The following EPS8 variants were observed in gnomAD, a reference collection of about 807,000 sequenced individuals.
EPS8 encodes epidermal growth factor receptor kinase substrate 8.
EPS8 carries 42 observed loss-of-function variants against 103.8 expected under a neutral mutation model. The ratio of observed to expected loss-of-function variants is 0.40; its 90% CI spans 0.32 to 0.52. The LOEUF is 0.52. Among genes scored for constraint, EPS8 ranks in the 20% least tolerant of loss-of-function variants. EPS8 has a pLI of 0.40. For synonymous variants in EPS8, 344 were observed against 344.6 expected, an observed-to-expected ratio of 1.00 and a Z score of 0.02; for missense variants, 969 against 1,005.1, an observed-to-expected ratio of 0.96 and a Z score of 0.49.
chr12:15,789,191 C>T lies in EPS8; in HGVS notation c.-52G>A, dbSNP rs568413253. 83 of 152,316 alleles carry T rather than the reference C, an allele frequency of 5.4e-4. 1 individual carries two copies. The highest frequency in any genetic ancestry group is 1.9e-3 in the African/African-American group (81 of 41,582). 9.4% of individuals were successfully genotyped at this position (152,316 alleles called of 1,614,324 possible). A position where few individuals can be genotyped will look rare whatever the true frequency, so the allele number is the denominator to read the frequency against. ...ATCCGCCCTCGGGGCCACGGCTTTC[C>T]CCGGAGACGCCGCGAGCCCAGACGA... On this transcript the variant is annotated 5_prime_UTR_variant, in exon 1 of 21. Coordinates refer to ENST00000281172, the MANE Select transcript of EPS8 (RefSeq NM_004447.6). This position sits in a 1 kb window ranked among gnomAD's most constrained non-coding sequence, Gnocchi z 6.1.
Position 15,711,263 on chromosome 12 carries a change from T to C in EPS8, c.-21-28291A>G, listed in dbSNP as rs192061929. ...ACCTTAAAACTCCAAGGTTCATACC[T>C]ACCTTGACGATTTAATGACAAATGA... On this transcript the variant is annotated intron_variant, in intron 1 of 20. Coordinates refer to ENST00000281172, the MANE Select transcript of EPS8 (RefSeq NM_004447.6). Among the ~76,000 whole-genome samples the C allele has an allele frequency of 8.5e-4, 129 of 152,152 alleles. 1 individual carries two copies. The highest frequency in any genetic ancestry group is 3.0e-3 in the African/African-American group (126 of 41,512).
intron 18 of EPS8, among the ~76,000 whole-genome samples, chr12:15,630,639 G>A (rs55878430): frequency 0.063 from 9,612 of 152,172 alleles, 611 homozygotes; most frequent in African/African-American, 0.17. Flanking sequence ...ACTATTGGCA[G>A]GTGATTATAT....
chr12:15,763,716 C>T (rs1947064920), intron 1 of EPS8, among the ~76,000 whole-genome samples: 3 of 152,176 alleles, frequency 2.0e-5, no homozygotes, highest in Admixed American at 2.0e-4. Context: ...TTTCTCCATC[C>T]TGTTTATGAA....
chr12:15,755,799 T>G (rs112878090), intron 1 of EPS8, among the ~76,000 whole-genome samples: 2,308 of 152,286 alleles, frequency 0.015, 66 homozygotes, highest in African/African-American at 0.053. Flanking sequence ...TGTCCCTACA[T>G]TAACTCTTTA....
intron 10 of EPS8, among the ~76,000 whole-genome samples, chr12:15,659,708 A>G (rs1291336989): frequency 6.6e-6 from 1 of 152,192 alleles, no homozygotes; most frequent in Non-Finnish European, 1.5e-5. Flanking sequence ...TTTATTTACT[A>G]TTTTATATCT....
At chr12:15,640,637 T>A (rs937479125) in intron 17 of EPS8, 66 bp downstream of exon 17, 9 of 1,437,166 alleles carry the variant, frequency 6.3e-6, no homozygotes, top group Non-Finnish European at 3.8e-6. Flanking sequence ...GGTGTTTAAA[T>A]CCTACTTAAG....
chr12:15,684,719 G>A lies in EPS8; in HGVS notation c.-21-1747C>T, dbSNP rs181962925. 1.3e-5 allele frequency among the ~76,000 whole-genome samples: 2 copies of A among 152,260 alleles called. No homozygotes were observed. Among genetic ancestry groups the A allele is most frequent in the East Asian group, 3.9e-4 (2 of 5,182 alleles). On this transcript the variant is annotated intron_variant, in intron 1 of 20. Coordinates refer to ENST00000281172, the MANE Select transcript of EPS8 (RefSeq NM_004447.6). This position sits in a 1 kb window ranked among gnomAD's most constrained non-coding sequence, Gnocchi z 4.9. The stretch of plus-strand genomic sequence containing the variant: ...TTACTTTCTGGAAGGGCTGGGACTT[G>A]ACCTAGTTCTTAAAAAAATGGGTAA...
chr12:15,685,871 G>T (rs911147875), intron 1 of EPS8, among the ~76,000 whole-genome samples: 4 of 152,068 alleles, frequency 2.6e-5, no homozygotes, highest in Non-Finnish European at 5.9e-5. Context: ...AAAATTAAGT[G>T]TTTTTATTTT....
chr12:15,681,974 T>A (rs1034905942), intron 2 of EPS8, among the ~76,000 whole-genome samples: 1 of 152,066 alleles, frequency 6.6e-6, no homozygotes, highest in African/African-American at 2.4e-5. Context: ...ATAATTATAA[T>A]AGAATGTGAT....
At chr12:15,768,690 C>T (rs1486123659) in intron 1 of EPS8, among the ~76,000 whole-genome samples, 1 of 147,922 alleles carries the variant, frequency 6.8e-6, no homozygotes, top group African/African-American at 2.5e-5. Context: ...ATTCGGCAAT[C>T]CACACAAATC....
At position 15,714,547 on chromosome 12, in the gene EPS8, C is replaced by G. The variant is rs1373956016; in HGVS notation, c.-21-31575G>C. On this transcript the variant is annotated intron_variant, in intron 1 of 20. Coordinates refer to ENST00000281172, the MANE Select transcript of EPS8 (RefSeq NM_004447.6). The surrounding 1 kb of genome is among the most constrained non-coding windows in gnomAD (Gnocchi z 4.1). ...GTCCTAGATGCTCATGAGGCTGAGA[C>G]AGGAGAACTGCTTGAGCCCAGGAGT... Among the ~76,000 whole-genome samples the G allele has an allele frequency of 6.6e-6, 1 of 152,114 alleles. No individual in the cohort carries two copies.
intron 8 of EPS8, chr12:15,665,295 A>G (rs969187087): frequency 5.8e-6 from 1 of 172,718 alleles, no homozygotes; most frequent in Admixed American, 6.2e-5. Context: ...AATAATCTTA[A>G]CAAAATTCAA....
intron 17 of EPS8, among the ~76,000 whole-genome samples, chr12:15,633,732 T>C (rs926608308): frequency 1.3e-5 from 2 of 152,198 alleles, no homozygotes; most frequent in Non-Finnish European, 2.9e-5. Context: ...CTTTCCTTAG[T>C]CCTCTCCTCC....
rs1419049675 is a variant in EPS8 at position 15,747,966 on chromosome 12, G to A, written c.-22+41195C>T. Among the ~76,000 whole-genome samples, 1 of 150,834 alleles carries A rather than the reference G, an allele frequency of 6.6e-6. No individual in the cohort carries two copies. Among genetic ancestry groups the A allele is most frequent in the Admixed American group, 6.6e-5 (1 of 15,160 alleles). On this transcript the variant is annotated intron_variant, in intron 1 of 20. Coordinates refer to ENST00000281172, the MANE Select transcript of EPS8 (RefSeq NM_004447.6). The surrounding 1 kb of genome is among the most constrained non-coding windows in gnomAD (Gnocchi z 4.4). ...ACCCGGGAGGCGGAGATTGCAGTGAGCCGAGATCACACCACTGCACTCCAG... is the reference window on the plus strand; with the variant it reads ...ACCCGGGAGGCGGAGATTGCAGTGAACCGAGATCACACCACTGCACTCCAG...
In EPS8 at chr12:15,693,321, T is replaced by C. The variant is rs1374255633; in HGVS notation, c.-21-10349A>G. Among the ~76,000 whole-genome samples, 1 of 152,248 alleles carries C rather than the reference T, an allele frequency of 6.6e-6. No individual in the cohort carries two copies. Among genetic ancestry groups the C allele is most frequent in the Non-Finnish European group, 1.5e-5 (1 of 68,050 alleles). On this transcript the variant is annotated intron_variant, in intron 1 of 20. Coordinates refer to ENST00000281172, the MANE Select transcript of EPS8 (RefSeq NM_004447.6). The surrounding 1 kb of genome is among the most constrained non-coding windows in gnomAD (Gnocchi z 5.6). ...TTTACTAAGCATTTCATTTCATCTTTCACCCTCTGTCTGTACCTTGGTATC... is the reference window on the plus strand; with the variant it reads ...TTTACTAAGCATTTCATTTCATCTTCCACCCTCTGTCTGTACCTTGGTATC...
At chr12:15,649,251 C>T (rs2135781701) in intron 14 of EPS8, among the ~76,000 whole-genome samples, 1 of 152,276 alleles carries the variant, frequency 6.6e-6, no homozygotes, top group Non-Finnish European at 1.5e-5. Flanking sequence ...GAACACATTA[C>T]TCTCTTCTTA....
Position 15,766,249 on chromosome 12 carries a change from G to A in EPS8, c.-22+22912C>T, listed in dbSNP as rs187290416. Among the ~76,000 whole-genome samples the A allele has an allele frequency of 6.6e-5, 10 of 151,412 alleles. No homozygotes were observed. In the East Asian group the frequency reaches 1.6e-3, roughly 24 times the overall value. On this transcript the variant is annotated intron_variant, in intron 1 of 20. Coordinates refer to ENST00000281172, the MANE Select transcript of EPS8 (RefSeq NM_004447.6). ...TCCCAGCACTCTGGGAGGTCGAGGCGGGTGGATCACCTGAGGTCAGGAGTT... is the reference window on the plus strand; with the variant it reads ...TCCCAGCACTCTGGGAGGTCGAGGCAGGTGGATCACCTGAGGTCAGGAGTT...
At chr12:15,637,829 G>A (rs1398784923) in intron 17 of EPS8, among the ~76,000 whole-genome samples, 1 of 152,180 alleles carries the variant, frequency 6.6e-6, no homozygotes, top group African/African-American at 2.4e-5. Flanking sequence ...AAGCATGCAG[G>A]AAGGAGCAAA....
rs574127902 is a variant in EPS8 at position 15,706,374 on chromosome 12, C to T, written c.-21-23402G>A. 6.6e-6 allele frequency among the ~76,000 whole-genome samples: 1 copy of T among 152,324 alleles called. No individual in the cohort carries two copies. Among genetic ancestry groups the T allele is most frequent in the East Asian group, 1.9e-4 (1 of 5,186 alleles). On this transcript the variant is annotated intron_variant, in intron 1 of 20. Transcript: ENST00000281172. The surrounding 1 kb of genome is among the most constrained non-coding windows in gnomAD (Gnocchi z 5.2). ...GTTCTTCCTTCCTCGAGGCCTATCA[C>T]ACTTGTCTAGAATAATTATCTTTTA... is the stretch of plus-strand genomic sequence containing the variant.
Sources: gnomAD v4.1 joint callset for allele counts (sites outside exome capture counted in the v4.1 genomes callset) on GRCh38, gnomAD v4.1.1 for gene constraint, Gnocchi (gnomAD v3.1) non-coding constraint, MANE v1.5 for transcripts, NCBI Gene and HGNC (gene_info 2026-07-23, HGNC 2026-07-21) for gene names.